The following NRXN1 variants were observed in gnomAD, a reference collection of about 807,000 sequenced individuals.
NRXN1 encodes neurexin 1.
NRXN1 carries 39 observed loss-of-function variants against 150.9 expected under a neutral mutation model. The observed-to-expected ratio is 0.26, with a 90% CI of 0.20 to 0.34. The LOEUF (loss-of-function observed/expected upper bound fraction) is 0.34. NRXN1 is among the 10% of genes least tolerant of loss of function. The probability of loss-of-function intolerance (pLI) is 1.00; values close to 1 mark genes in which losing one functional copy is unlikely to be tolerated. For synonymous variants in NRXN1, 924 were observed against 757.0 expected (o/e 1.22, Z -3.62); for missense variants, 1,815 against 1,949.9 (o/e 0.93, Z 1.30).
At chr2:50,110,822 T>A (rs1702281317) in intron 18 of NRXN1, among the ~76,000 whole-genome samples, 1 of 152,154 alleles carries the variant, frequency 6.6e-6, no homozygotes, top group Non-Finnish European at 1.5e-5. Context: ...TTTCAGTACT[T>A]CACATTATTA....
chr2:50,165,099 C>A (rs2059594950), intron 18 of NRXN1, among the ~76,000 whole-genome samples: 1 of 152,108 alleles, frequency 6.6e-6, no homozygotes, highest in Non-Finnish European at 1.5e-5. Context: ...TCCTCACAAC[C>A]CCCTGAGGTT....
At chr2:50,848,447 C>T (rs753167214) in intron 5 of NRXN1, among the ~76,000 whole-genome samples, 7 of 152,012 alleles carry the variant, frequency 4.6e-5, no homozygotes, top group African/African-American at 1.7e-4. Flanking sequence ...CATATGTTAG[C>T]GGAGCTGCCC....
intron 5 of NRXN1, among the ~76,000 whole-genome samples, chr2:50,818,114 C>CAA (rs199675644): frequency 6.9e-4 from 32 of 46,674 alleles, no homozygotes; most frequent in East Asian, 2.1e-3. Context: ...GACTCCATAG[C>CAA]AAAAAAAAAA....
chr2:50,343,382 T>C (rs1407392908), intron 17 of NRXN1, among the ~76,000 whole-genome samples: 1 of 152,206 alleles, frequency 6.6e-6, no homozygotes, highest in Non-Finnish European at 1.5e-5. Flanking sequence ...TGGACTCTTG[T>C]TGGCGTTAAG....
chr2:50,495,047 A>AG (rs965596508), intron 15 of NRXN1, among the ~76,000 whole-genome samples: 3 of 151,748 alleles, frequency 2.0e-5, no homozygotes, highest in African/African-American at 7.3e-5. Flanking sequence ...AAAAAAAAAA[A>AG]AGAGAGTTAA....
intron 17 of NRXN1, among the ~76,000 whole-genome samples, chr2:50,418,622 C>T (rs2083733758): frequency 6.6e-6 from 1 of 151,888 alleles, no homozygotes; most frequent in South Asian, 2.1e-4. Context: ...TCATTAAAAG[C>T]AAATTTTTAA....
intron 17 of NRXN1, among the ~76,000 whole-genome samples, chr2:50,455,680 A>C (rs2087483008): frequency 6.6e-6 from 1 of 152,188 alleles, no homozygotes; most frequent in Non-Finnish European, 1.5e-5. Flanking sequence ...GACCTGGGAC[A>C]GCAGATTCAG....
intron 8 of NRXN1, among the ~76,000 whole-genome samples, chr2:50,559,002 AACCTGGGAGGCAG>A (rs1220209116): frequency 5.3e-5 from 8 of 152,176 alleles, no homozygotes; most frequent in Non-Finnish European, 1.2e-4. Flanking sequence ...GAAGGGTGTG[AACCTGGGAGGCAG>A]ACCTTGCAGT....
At chr2:50,561,052 A>G (rs17040830) in intron 8 of NRXN1, among the ~76,000 whole-genome samples, 1 of 152,190 alleles carries the variant, frequency 6.6e-6, no homozygotes, top group African/African-American at 2.4e-5. Context: ...CCTAGTCTCA[A>G]TTAAATACAA....
chr2:50,952,088 T>A (rs895960370), intron 2 of NRXN1, among the ~76,000 whole-genome samples: 8 of 147,818 alleles, frequency 5.4e-5, no homozygotes, highest in Admixed American at 4.1e-4. Context: ...TGCCTCAGCC[T>A]CCCAAGTAGC....
At chr2:50,100,098 T>G (rs1195967530) in intron 18 of NRXN1, among the ~76,000 whole-genome samples, 1 of 152,122 alleles carries the variant, frequency 6.6e-6, no homozygotes, top group Non-Finnish European at 1.5e-5. Flanking sequence ...TTTAAAAAAA[T>G]AGAAAAACTC....
chr2:50,437,737 C>T (rs145039331), intron 17 of NRXN1, among the ~76,000 whole-genome samples: 4 of 151,378 alleles, frequency 2.6e-5, no homozygotes, highest in African/African-American at 9.7e-5. Context: ...TGTGAAAAGA[C>T]AAAAAGGGAA....
At chr2:50,535,481 T>C (rs1211093726) in intron 10 of NRXN1, among the ~76,000 whole-genome samples, 1 of 152,240 alleles carries the variant, frequency 6.6e-6, no homozygotes, top group African/African-American at 2.4e-5. Context: ...TATATTGCTC[T>C]GACATCTGTC....
intron 19 of NRXN1, among the ~76,000 whole-genome samples, chr2:50,087,691 G>A (rs942640784): frequency 6.6e-6 from 1 of 152,014 alleles, no homozygotes; most frequent in Non-Finnish European, 1.5e-5. Context: ...TGGATACTAG[G>A]TCTTCTATTC....
intron 18 of NRXN1, among the ~76,000 whole-genome samples, chr2:50,112,781 A>G (rs1189776380): frequency 6.6e-6 from 1 of 152,218 alleles, no homozygotes; most frequent in African/African-American, 2.4e-5. Flanking sequence ...GAAGAATTAC[A>G]TAAGATTAAA....
intron 17 of NRXN1, among the ~76,000 whole-genome samples, chr2:50,242,501 G>A (rs2066105177): frequency 6.6e-6 from 1 of 151,674 alleles, no homozygotes; most frequent in African/African-American, 2.4e-5. Context: ...GAGCACTATA[G>A]GTTCCTAATT....
rs1179487203 is a variant in NRXN1, at chr2:51,027,922, G to C, written c.352C>G (p.Arg118Gly). ...PVNDGAWHSV[R>G]IRRQFRNTTL... ...GTGTTGCGGAACTGGCGGCGGATGC[G>C]CACGCTGTGCCAGGCGCCGTCGTTA... The change falls in exon 2 of 23, where the codon CGC becomes GGC. Residue 118 changes from arginine to glycine, a missense_variant. Coordinates refer to ENST00000401669, the MANE Select transcript of NRXN1 (RefSeq NM_001330078.2). The C allele has an allele frequency of 6.2e-7, 1 of 1,606,790 alleles. No homozygotes were observed. Among genetic ancestry groups the C allele is most frequent in the Non-Finnish European group, 8.5e-7 (1 of 1,179,680 alleles).
At chr2:50,906,791 C>T (rs1345065617) in intron 5 of NRXN1, among the ~76,000 whole-genome samples, 2 of 151,972 alleles carry the variant, frequency 1.3e-5, no homozygotes, top group African/African-American at 2.4e-5. Context: ...TATAATGGCA[C>T]CACAATGATG....
At chr2:50,142,643 A>T (rs1707445626) in intron 18 of NRXN1, among the ~76,000 whole-genome samples, 1 of 151,990 alleles carries the variant, frequency 6.6e-6, no homozygotes, top group South Asian at 2.1e-4. Context: ...AAGTTTAAAA[A>T]ATGATTTCAT....
Sources: gnomAD v4.1 joint callset for allele counts (sites outside exome capture counted in the v4.1 genomes callset) on GRCh38, gnomAD v4.1.1 for gene constraint, MANE v1.5 for transcripts, NCBI Gene and HGNC (gene_info 2026-07-23, HGNC 2026-07-21) for gene names.